MAGI2: variants seen among roughly 807,000 people sequenced by gnomAD.
MAGI2 encodes membrane-associated guanylate kinase, WW and PDZ domain-containing protein 2.
Under a neutral mutation model 133.3 loss-of-function variants are expected in MAGI2, and 35 were observed. The observed-to-expected ratio is 0.26, with a 90% CI of 0.20 to 0.35. The LOEUF (loss-of-function observed/expected upper bound fraction) is 0.35, where lower values mean the gene tolerates loss of function less well. Ranked by LOEUF, MAGI2 falls within the 10% of genes least tolerant of loss-of-function variation. The pLI is 1.00. For synonymous variants in MAGI2, 729 were observed against 710.6 expected (o/e 1.03, Z -0.41); for missense variants, 1,636 against 1,863.4 (o/e 0.88, Z 2.25).
intron 1 of MAGI2, among the ~76,000 whole-genome samples, chr7:79,246,853 A>C (rs1832859623): frequency 6.6e-6 from 1 of 152,168 alleles, no homozygotes; most frequent in Non-Finnish European, 1.5e-5. Context: ...CAAAACATTC[A>C]ATAATCAAAC....
intron 7 of MAGI2, among the ~76,000 whole-genome samples, chr7:78,362,399 T>C (rs1201567583): frequency 3.3e-5 from 5 of 152,178 alleles, no homozygotes. Flanking sequence ...CAAGAGCCAG[T>C]TGAAGTTTTC....
chr7:78,042,979 G>A (rs1425364214), intron 21 of MAGI2, among the ~76,000 whole-genome samples: 1 of 152,156 alleles, frequency 6.6e-6, no homozygotes, highest in Non-Finnish European at 1.5e-5. Context: ...GATCAGCAGG[G>A]CACAACATAG....
intron 1 of MAGI2, among the ~76,000 whole-genome samples, chr7:79,116,724 G>C (rs1468255176): frequency 6.6e-6 from 1 of 152,152 alleles, no homozygotes; most frequent in Non-Finnish European, 1.5e-5. Context: ...ACATCACCTT[G>C]ATGATAAATA....
chr7:78,522,623 G>A (rs771662296), intron 3 of MAGI2, among the ~76,000 whole-genome samples: 34 of 152,032 alleles, frequency 2.2e-4, no homozygotes, highest in Non-Finnish European at 4.1e-4. Flanking sequence ...CAAATGATCC[G>A]CCTGCCTCGG....
At chr7:78,546,661 T>C (rs960290768) in intron 3 of MAGI2, among the ~76,000 whole-genome samples, 4 of 133,792 alleles carry the variant, frequency 3.0e-5, no homozygotes, top group Non-Finnish European at 6.3e-5. Flanking sequence ...ATCACACCCG[T>C]TGTCAAAGAT....
intron 1 of MAGI2, chr7:79,410,062 A>G (rs1185209016): frequency 6.6e-6 from 1 of 152,108 alleles, no homozygotes; most frequent in Non-Finnish European, 1.5e-5. Flanking sequence ...TTATTATATT[A>G]TCAAAATAAT....
chr7:79,167,633 C>T (rs954761223), intron 1 of MAGI2, among the ~76,000 whole-genome samples: 9 of 152,046 alleles, frequency 5.9e-5, no homozygotes, highest in East Asian at 1.9e-4. Flanking sequence ...ACAACCTCCT[C>T]CTGCTAAATC....
At chr7:78,741,403 ACACACACACACACACACACACACAC>A in intron 2 of MAGI2, among the ~76,000 whole-genome samples, 1 of 144,892 alleles carries the variant, frequency 6.9e-6, no homozygotes, top group African/African-American at 2.8e-5. Context: ...ACACACACAC[ACACACACACACACACACACACACAC>A]GGGAGGGGGG....
chr7:78,283,929 A>G (rs1222225218), intron 9 of MAGI2, among the ~76,000 whole-genome samples: 2 of 152,142 alleles, frequency 1.3e-5, no homozygotes, highest in Non-Finnish European at 2.9e-5. Context: ...TTGATGAAAA[A>G]TATTACCTTT....
At chr7:78,694,670 G>A (rs911305651) in intron 2 of MAGI2, among the ~76,000 whole-genome samples, 2 of 152,056 alleles carry the variant, frequency 1.3e-5, no homozygotes, top group Non-Finnish European at 2.9e-5. Flanking sequence ...AGTAAACATT[G>A]AGACAGCCAC....
chr7:78,426,173 A>G (rs907089181), intron 6 of MAGI2, among the ~76,000 whole-genome samples: 5 of 152,234 alleles, frequency 3.3e-5, no homozygotes, highest in Non-Finnish European at 7.3e-5. Flanking sequence ...ACTAAAAATT[A>G]TAATATTCAA....
At chr7:79,292,770 C>CTAAAAA (rs1836599073) in intron 1 of MAGI2, among the ~76,000 whole-genome samples, 1 of 57,396 alleles carries the variant, frequency 1.7e-5, no homozygotes, top group Non-Finnish European at 3.2e-5. Flanking sequence ...TCAATTTCTG[C>CTAAAAA]AAAAAAAAAA....
chr7:79,006,176 A>T (rs941347450), intron 2 of MAGI2, among the ~76,000 whole-genome samples: 14 of 151,916 alleles, frequency 9.2e-5, no homozygotes, highest in African/African-American at 2.2e-4. Context: ...CTACATAATA[A>T]TTTTTTTTGT....
At chr7:78,691,817 A>G (rs912499210) in intron 2 of MAGI2, among the ~76,000 whole-genome samples, 1 of 152,142 alleles carries the variant, frequency 6.6e-6, no homozygotes, top group Non-Finnish European at 1.5e-5. Flanking sequence ...GTATGACACT[A>G]TAATGCTGGA....
At chr7:78,592,756 C>A (rs1447912429) in intron 3 of MAGI2, among the ~76,000 whole-genome samples, 1 of 150,862 alleles carries the variant, frequency 6.6e-6, no homozygotes. Context: ...AGCAGGCACA[C>A]TGGGGAGGAT....
intron 2 of MAGI2, among the ~76,000 whole-genome samples, chr7:78,667,937 C>G (rs1432278444): frequency 6.6e-6 from 1 of 152,136 alleles, no homozygotes; most frequent in East Asian, 1.9e-4. Context: ...AATGGTATTT[C>G]TAGTTCTAGA....
At chr7:78,034,847 C>A (rs1010813960) in intron 21 of MAGI2, 14 of 152,302 alleles carry the variant, frequency 9.2e-5, no homozygotes, top group Admixed American at 7.2e-4. Flanking sequence ...CACTTTTATA[C>A]ACCCAAACTA....
At chr7:78,590,188 T>C (rs1348709601) in intron 3 of MAGI2, among the ~76,000 whole-genome samples, 1 of 152,236 alleles carries the variant, frequency 6.6e-6, no homozygotes, top group African/African-American at 2.4e-5. Context: ...TTACTTGATG[T>C]ATTTAGCATA....
At chr7:78,667,237 C>A (rs1254216260) in intron 2 of MAGI2, among the ~76,000 whole-genome samples, 1 of 151,778 alleles carries the variant, frequency 6.6e-6, no homozygotes, top group African/African-American at 2.4e-5. Flanking sequence ...ATGTCCACAC[C>A]CCTGCCCAAT....
Sources: gnomAD v4.1 joint callset for allele counts (sites outside exome capture counted in the v4.1 genomes callset) on GRCh38, gnomAD v4.1.1 for gene constraint, MANE v1.5 for transcripts, NCBI Gene and HGNC (gene_info 2026-07-23, HGNC 2026-07-21) for gene names.